Variants in HTRA3 observed in about 807,000 individuals in gnomAD.
HTRA3 encodes HtrA serine peptidase 3.
HTRA3 carries 41 observed loss-of-function variants against 43.2 expected under a neutral mutation model. The ratio of observed to expected loss-of-function variants is 0.95; its 90% confidence interval spans 0.74 to 1.23. The LOEUF (loss-of-function observed/expected upper bound fraction) is 1.23. Ranked by LOEUF, HTRA3 falls within the 50% of genes most tolerant of loss-of-function variation. The pLI is 0.00. For synonymous variants in HTRA3, 295 were observed against 287.9 expected (o/e 1.02, Z -0.25); for missense variants, 628 against 647.1 (o/e 0.97, Z 0.32).
At chr4:8,303,592 G>A (rs1713735304) in intron 7 of HTRA3, among the ~76,000 whole-genome samples, 1 of 152,136 alleles carries the variant, frequency 6.6e-6, no homozygotes. Flanking sequence ...CATTCCTCCT[G>A]TTTCACCAAC....
intron 6 of HTRA3, among the ~76,000 whole-genome samples, chr4:8,298,351 A>G (rs1713529626): frequency 6.6e-6 from 1 of 152,132 alleles, no homozygotes; most frequent in Non-Finnish European, 1.5e-5. Context: ...CATTTAGGTT[A>G]TTTGTGTTCT....
chr4:8,292,411 G>T, intron 5 of HTRA3, 58 bp downstream of exon 5: 3 of 1,456,584 alleles, frequency 2.1e-6, no homozygotes, highest in Admixed American at 1.7e-5. Context: ...TCACATGGGG[G>T]TGCTCAGCCT....
intron 6 of HTRA3, among the ~76,000 whole-genome samples, chr4:8,301,149 CTCTT>C (rs1265169545): frequency 1.5e-5 from 1 of 65,024 alleles, no homozygotes; most frequent in Non-Finnish European, 3.1e-5. Flanking sequence ...TAGATTCACA[CTCTT>C]TATTGACTCA....
At position 8,306,306 on chromosome 4, in the gene HTRA3, C is replaced by G; in HGVS notation, c.*170C>G. 1.5e-6 allele frequency: 1 copy of G among 650,586 alleles called. No individual in the cohort carries two copies. Among genetic ancestry groups the G allele is most frequent in the Non-Finnish European group, 2.5e-6 (1 of 400,552 alleles). 40.3% of individuals were successfully genotyped at this position (650,586 alleles called of 1,614,324 possible). A position where few individuals can be genotyped will look rare whatever the true frequency, so the allele number is the denominator to read the frequency against. On this transcript the variant is annotated 3_prime_UTR_variant, in exon 9 of 9. Transcript: ENST00000307358. The surrounding 1 kb of genome is among the most constrained non-coding windows in gnomAD (Gnocchi z 8.9). Reference sequence around the variant, plus strand: ...CTTGGCCAGGGGCCCGAATTTCCGCCTGGGGAGTGTTGGATCCACATCCCG... The same window carrying G: ...CTTGGCCAGGGGCCCGAATTTCCGCGTGGGGAGTGTTGGATCCACATCCCG...
chr4:8,305,241 G>A (rs186058394), intron 8 of HTRA3, among the ~76,000 whole-genome samples: 1 of 152,384 alleles, frequency 6.6e-6, no homozygotes, highest in Admixed American at 6.5e-5. Flanking sequence ...GAAGGTGGGA[G>A]GCCCCGCGTG....
At chr4:8,291,922 C>T (rs553062738) in intron 4 of HTRA3, among the ~76,000 whole-genome samples, 1 of 152,368 alleles carries the variant, frequency 6.6e-6, no homozygotes, top group East Asian at 1.9e-4. Flanking sequence ...TCACAAAGCA[C>T]TTCACCCAGA....
Position 8,270,063 on chromosome 4 carries a change from C to T in HTRA3, c.95C>T (p.Ser32Leu), listed in dbSNP as rs776132683. ...CCGTGTCCCGCGCGCTGCGACGTGTCGCGGTGTCCCAGCCCCCGCTGCCCC... is the reference window on the plus strand; with the variant it reads ...CCGTGTCCCGCGCGCTGCGACGTGTTGCGGTGTCCCAGCCCCCGCTGCCCC... ...AAPCPARCDV[S>L]RCPSPRCPGG... The change falls in exon 1 of 9, where the codon TCG becomes TTG. Residue 32 changes from serine (S) to leucine (L), a missense_variant. Ser to Leu is a moderately radical substitution (Grantham distance 145). Coordinates refer to ENST00000307358, the MANE Select transcript of HTRA3 (RefSeq NM_053044.5). The T allele has an allele frequency of 6.7e-7, 1 of 1,494,104 alleles. No individual in the cohort carries two copies. Among genetic ancestry groups the T allele is most frequent in the Middle Eastern group, 2.3e-4 (1 of 4,340 alleles). 92.6% of individuals were successfully genotyped at this position (1,494,104 alleles called of 1,614,324 possible). A position where few individuals can be genotyped will look rare whatever the true frequency, so the allele number is the denominator to read the frequency against.
In HTRA3 at chr4:8,286,488, C is replaced by T; in HGVS notation, c.486-73C>T. ...ACTGGCTCTGCTCCTCGCTGACCAG[C>T]CCCACCACTGCGCCTGACTCCCCCG... is the stretch of plus-strand genomic sequence containing the variant. On this transcript the variant is annotated intron_variant, in intron 2 of 8. Transcript: ENST00000307358. This position sits in a 1 kb window ranked among gnomAD's most constrained non-coding sequence, Gnocchi z 4.9. 4.9e-6 allele frequency: 6 copies of T among 1,217,206 alleles called. No homozygotes were observed. Among genetic ancestry groups the T allele is most frequent in the Non-Finnish European group, 7.2e-6 (6 of 830,930 alleles). The allele number at this position is 1,217,206 out of a possible 1,614,324, so 75.4% of individuals were successfully genotyped here.
Position 8,269,874 on chromosome 4 carries a change from G to C in HTRA3, c.-95G>C. The C allele has an allele frequency of 3.6e-6, 2 of 556,752 alleles. No individual in the cohort carries two copies. Among genetic ancestry groups the C allele is most frequent in the Non-Finnish European group, 4.6e-6 (2 of 436,160 alleles). 34.5% of individuals were successfully genotyped at this position (556,752 alleles called of 1,614,324 possible). A position where few individuals can be genotyped will look rare whatever the true frequency, so the allele number is the denominator to read the frequency against. On this transcript the variant is annotated 5_prime_UTR_variant, in exon 1 of 9. Transcript: ENST00000307358. ...CCGCGCGTCCGCCCCAGTCCCATCCGTAGGCGCCCGGCGCCCGGCCCCGCA... is the reference window on the plus strand; with the variant it reads ...CCGCGCGTCCGCCCCAGTCCCATCCCTAGGCGCCCGGCGCCCGGCCCCGCA...
chr4:8,277,169 T>C (rs947003922), intron 1 of HTRA3, among the ~76,000 whole-genome samples: 5 of 150,572 alleles, frequency 3.3e-5, no homozygotes, highest in African/African-American at 1.2e-4. Context: ...CTGAGGCTTG[T>C]GGGGGCACGG....
At chr4:8,305,567 G>C (rs1162572163) in intron 8 of HTRA3, among the ~76,000 whole-genome samples, 1 of 152,232 alleles carries the variant, frequency 6.6e-6, no homozygotes, top group East Asian at 1.9e-4. Flanking sequence ...GGCTGGCCCC[G>C]TGAGCTCTGC....
At position 8,292,359 on chromosome 4, in the gene HTRA3, T is replaced by C. The variant is rs199583748; in HGVS notation, c.936+6T>C. 9.9e-6 allele frequency: 16 copies of C among 1,612,666 alleles called. No individual in the cohort carries two copies. The highest frequency in any genetic ancestry group is 1.7e-6 in the Non-Finnish European group (2 of 1,179,152). The stretch of plus-strand genomic sequence containing the variant: ...GGGGACCACTGGTGAACCTGGTAAG[T>C]GTCCCCTAGAGCCAAAATCTCTCAG... On this transcript the variant is annotated splice_donor_region_variant and intron_variant, in intron 5 of 8. Coordinates refer to ENST00000307358, the MANE Select transcript of HTRA3 (RefSeq NM_053044.5).
At chr4:8,301,092 CTT>C (rs1713633952) in intron 6 of HTRA3, among the ~76,000 whole-genome samples, 1 of 151,380 alleles carries the variant, frequency 6.6e-6, no homozygotes, top group South Asian at 2.1e-4. Context: ...TCACACCCAT[CTT>C]TATTATTGAT....
intron 1 of HTRA3, among the ~76,000 whole-genome samples, chr4:8,280,547 C>T (rs1490023575): frequency 6.6e-6 from 1 of 152,214 alleles, no homozygotes; most frequent in Admixed American, 6.5e-5. Flanking sequence ...GGCAGCTTCA[C>T]CTCACCAAGG....
At position 8,306,303 on chromosome 4, in the gene HTRA3, C is replaced by T. The variant is rs1055821587; in HGVS notation, c.*167C>T. ...GGGCTTGGCCAGGGGCCCGAATTTC[C>T]GCCTGGGGAGTGTTGGATCCACATC... On this transcript the variant is annotated 3_prime_UTR_variant, in exon 9 of 9. Transcript: ENST00000307358. This position sits in a 1 kb window ranked among gnomAD's most constrained non-coding sequence, Gnocchi z 8.9. The T allele has an allele frequency of 1.7e-5, 11 of 658,924 alleles. No homozygotes were observed. The highest frequency in any genetic ancestry group is 6.6e-5 in the South Asian group (3 of 45,134). 40.8% of individuals were successfully genotyped at this position (658,924 alleles called of 1,614,324 possible).
intron 1 of HTRA3, among the ~76,000 whole-genome samples, chr4:8,281,182 C>G (rs141773771): frequency 6.6e-6 from 1 of 152,194 alleles, no homozygotes; most frequent in Non-Finnish European, 1.5e-5. Flanking sequence ...GAGCACGGAC[C>G]GCGGCCCGGG....
intron 1 of HTRA3, among the ~76,000 whole-genome samples, chr4:8,277,783 G>T (rs11733787): frequency 6.6e-6 from 1 of 151,898 alleles, no homozygotes; most frequent in Non-Finnish European, 1.5e-5. Flanking sequence ...CATGGTCACC[G>T]TTATGGACAG....
intron 6 of HTRA3, among the ~76,000 whole-genome samples, chr4:8,300,431 G>A (rs1017107765): frequency 5.3e-5 from 8 of 152,056 alleles, no homozygotes; most frequent in African/African-American, 1.9e-4. Context: ...AGTGCTATTT[G>A]CGTTATTTCT....
At chr4:8,302,630 G>C in intron 7 of HTRA3, 119 bp downstream of exon 7, 1 of 900,310 alleles carries the variant, frequency 1.1e-6, no homozygotes, top group Non-Finnish European at 1.8e-6. Context: ...ACGGGCCGAT[G>C]CACTCAGGCC....
Sources: allele counts gnomAD v4.1 joint callset (sites outside exome capture counted in the v4.1 genomes callset), GRCh38; gene constraint gnomAD v4.1.1; non-coding constraint Gnocchi (gnomAD v3.1); transcripts MANE v1.5; gene names NCBI Gene and HGNC (gene_info 2026-07-23, HGNC 2026-07-21).